Variants in TNFAIP8 observed in about 807,000 individuals in gnomAD.
The protein encoded by TNFAIP8 is tumor necrosis factor alpha-induced protein 8.
A neutral mutation model predicts 13.3 loss-of-function variants in TNFAIP8; 7 were observed. The ratio of observed to expected loss-of-function variants is 0.52; its 90% CI spans 0.30 to 0.99. The LOEUF (loss-of-function observed/expected upper bound fraction) is 0.99, where lower values mean the gene tolerates loss of function less well. Among genes scored for constraint, TNFAIP8 ranks in the 50% least tolerant of loss-of-function variants. The probability of loss-of-function intolerance (pLI) is 0.07; values close to 1 mark genes in which losing one functional copy is unlikely to be tolerated. For missense variants in TNFAIP8, 258 were observed against 236.9 expected, an observed-to-expected ratio of 1.09 and a Z score of -0.58; for synonymous variants, 94 against 87.6, an observed-to-expected ratio of 1.07 and a Z score of -0.41.
At chr5:119,330,106 C>G (rs11956042) in intron 1 of TNFAIP8, among the ~76,000 whole-genome samples, 14,578 of 151,932 alleles carry the variant, frequency 0.096, 800 homozygotes, top group African/African-American at 0.16. Context: ...GGTTTAGGCA[C>G]GCCATTGAAA....
At chr5:119,324,646 AACTC>A (rs1750164583) in intron 1 of TNFAIP8, among the ~76,000 whole-genome samples, 1 of 152,048 alleles carries the variant, frequency 6.6e-6, no homozygotes, top group African/African-American at 2.4e-5. Flanking sequence ...TATGCCTTGT[AACTC>A]ACAGGGTTTT....
At chr5:119,338,209 CA>C (rs369300551) in intron 1 of TNFAIP8, among the ~76,000 whole-genome samples, 1,579 of 137,570 alleles carry the variant, frequency 0.011, 28 homozygotes, top group African/African-American at 0.052. Flanking sequence ...CACACACACA[CA>C]CCTTCTCAGC....
At chr5:119,337,746 C>T (rs558840731) in intron 1 of TNFAIP8, among the ~76,000 whole-genome samples, 22 of 152,316 alleles carry the variant, frequency 1.4e-4, no homozygotes, top group Non-Finnish European at 2.8e-4. Flanking sequence ...TAAACTGGAG[C>T]ATTACAGCAT....
chr5:119,332,711 A>G (rs6868702), intron 1 of TNFAIP8, among the ~76,000 whole-genome samples: 15,946 of 152,234 alleles, frequency 0.1, 1,021 homozygotes, highest in African/African-American at 0.2. Flanking sequence ...TAGAAGTGGT[A>G]CACTTGAATC....
chr5:119,310,710 C>A (rs1749701474), intron 1 of TNFAIP8, among the ~76,000 whole-genome samples: 1 of 152,012 alleles, frequency 6.6e-6, no homozygotes, highest in African/African-American at 2.4e-5. Flanking sequence ...GCCTGTAATC[C>A]CAGTTACTTG....
intron 1 of TNFAIP8, among the ~76,000 whole-genome samples, chr5:119,380,326 A>T (rs1752441866): frequency 6.6e-6 from 1 of 152,262 alleles, no homozygotes; most frequent in African/African-American, 2.4e-5. Context: ...CATTGATGCC[A>T]GCTGTGGGTC....
intron 1 of TNFAIP8, among the ~76,000 whole-genome samples, chr5:119,278,650 C>T (rs1458333324): frequency 6.6e-6 from 1 of 151,992 alleles, no homozygotes; most frequent in Non-Finnish European, 1.5e-5. Flanking sequence ...ACAGGGTGGA[C>T]AAGAAGCATC....
intron 1 of TNFAIP8, among the ~76,000 whole-genome samples, chr5:119,375,768 A>C (rs1752255374): frequency 6.6e-6 from 1 of 152,180 alleles, no homozygotes; most frequent in African/African-American, 2.4e-5. Context: ...CAATAGAGGC[A>C]AAATGTTCAA....
intron 1 of TNFAIP8, among the ~76,000 whole-genome samples, chr5:119,385,535 C>A (rs1177211461): frequency 6.6e-6 from 1 of 152,130 alleles, no homozygotes; most frequent in African/African-American, 2.4e-5. Context: ...AGGCAGAATA[C>A]CCCTATTTTA....
At chr5:119,381,775 A>C (rs1043644043) in intron 1 of TNFAIP8, among the ~76,000 whole-genome samples, 1 of 152,088 alleles carries the variant, frequency 6.6e-6, no homozygotes, top group Non-Finnish European at 1.5e-5. Context: ...TCTACTAAAA[A>C]TACAAAATTA....
chr5:119,282,129 C>G (rs891946997), intron 1 of TNFAIP8, among the ~76,000 whole-genome samples: 2 of 152,186 alleles, frequency 1.3e-5, no homozygotes, highest in Admixed American at 6.5e-5. Flanking sequence ...AGTACTGTAA[C>G]TAGTGAGCTG....
intron 1 of TNFAIP8, among the ~76,000 whole-genome samples, chr5:119,374,444 A>G (rs1752203953): frequency 6.6e-6 from 1 of 152,226 alleles, no homozygotes; most frequent in South Asian, 2.1e-4. Context: ...ATACAGCATG[A>G]CTTTTCAGGG....
At chr5:119,303,155 A>G (rs997682593) in intron 1 of TNFAIP8, among the ~76,000 whole-genome samples, 2 of 152,190 alleles carry the variant, frequency 1.3e-5, no homozygotes, top group African/African-American at 2.4e-5. Context: ...GGGAGCAGCT[A>G]TGCAGCCAGT....
At chr5:119,285,803 A>C (rs1344720146) in intron 1 of TNFAIP8, among the ~76,000 whole-genome samples, 2 of 152,208 alleles carry the variant, frequency 1.3e-5, no homozygotes, top group African/African-American at 4.8e-5. Flanking sequence ...CTGCTTACAT[A>C]CATGAGGGTG....
chr5:119,362,750 C>G (rs1435690101), intron 1 of TNFAIP8, among the ~76,000 whole-genome samples: 2 of 151,636 alleles, frequency 1.3e-5, no homozygotes, highest in Non-Finnish European at 2.9e-5. Context: ...TATGGTCGTG[C>G]CATTGCATTC....
At chr5:119,286,950 A>C (rs1349504118) in intron 1 of TNFAIP8, among the ~76,000 whole-genome samples, 1 of 152,136 alleles carries the variant, frequency 6.6e-6, no homozygotes, top group Non-Finnish European at 1.5e-5. Context: ...TCCTCCTCTG[A>C]GTGTCTCCTT....
At position 119,358,099 on chromosome 5, in the gene TNFAIP8, C is replaced by CTT. The variant is rs5870854; in HGVS notation, c.31+1992_31+1993dup. Among the ~76,000 whole-genome samples the CTT allele has an allele frequency of 8.2e-3, 1,167 of 141,668 alleles. 7 individuals carry two copies. Among genetic ancestry groups the CTT allele is most frequent in the African/African-American group, 0.015 (575 of 38,200 alleles). 92.9% of individuals were successfully genotyped at this position (141,668 alleles called of 152,430 possible). ...CTAGTCCTTTTCCTCTTATACGTAG[C>CTT]TTTTTTTTTTTTTTTCATCCTGGTG... On this transcript the variant is annotated intron_variant, in intron 1 of 1. Coordinates refer to ENST00000504771, the MANE Select transcript of TNFAIP8 (RefSeq NM_014350.4).
At chr5:119,344,876 C>T (rs1207783234) in intron 1 of TNFAIP8, among the ~76,000 whole-genome samples, 2 of 152,150 alleles carry the variant, frequency 1.3e-5, no homozygotes, top group Non-Finnish European at 2.9e-5. Flanking sequence ...AATATTAAGG[C>T]TCCATCTGTG....
intron 1 of TNFAIP8, among the ~76,000 whole-genome samples, chr5:119,269,471 A>T (rs1169268428): frequency 6.6e-6 from 1 of 152,032 alleles, no homozygotes; most frequent in Non-Finnish European, 1.5e-5. Context: ...TGTGTACATG[A>T]CTGCACATGT....
Sources: gnomAD v4.1 joint callset for allele counts (sites outside exome capture counted in the v4.1 genomes callset) on GRCh38, gnomAD v4.1.1 for gene constraint, MANE v1.5 for transcripts, NCBI Gene and HGNC (gene_info 2026-07-23, HGNC 2026-07-21) for gene names.